Variants in SAMMSON observed in about 807,000 individuals in gnomAD.
SAMMSON encodes survival associated mitochondrial melanoma specific oncogenic non-coding RNA.
chr3:70,216,813 A>G (rs761662412), intron 4 of SAMMSON, among the ~76,000 whole-genome samples: 3 of 152,114 alleles, frequency 2.0e-5, no homozygotes, highest in South Asian at 4.1e-4. Context: ...ATATTTGGCA[A>G]TGTCTGGAGA....
intron 3 of SAMMSON, among the ~76,000 whole-genome samples, chr3:70,046,351 A>G (rs1175262869): frequency 6.6e-6 from 1 of 152,154 alleles, no homozygotes; most frequent in Non-Finnish European, 1.5e-5. Flanking sequence ...ATTGGCTATA[A>G]GAAACAACCA....
At chr3:70,167,153 T>C (rs935255861) in intron 4 of SAMMSON, among the ~76,000 whole-genome samples, 1 of 152,060 alleles carries the variant, frequency 6.6e-6, no homozygotes, top group East Asian at 1.9e-4. Context: ...AAATCCAATG[T>C]GTACTGTACA....
At chr3:70,005,406 C>G (rs555440734) in intron 1 of SAMMSON, among the ~76,000 whole-genome samples, 1 of 152,232 alleles carries the variant, frequency 6.6e-6, no homozygotes, top group East Asian at 1.9e-4. Context: ...ACTTACTTGT[C>G]CCACATTGCA....
At chr3:70,151,629 A>G (rs983097993) in intron 4 of SAMMSON, among the ~76,000 whole-genome samples, 15 of 152,096 alleles carry the variant, frequency 9.9e-5, no homozygotes, top group East Asian at 3.9e-4. Flanking sequence ...AACACTTGGT[A>G]AATGATAAAA....
At chr3:70,162,558 A>T (rs1325925450) in intron 4 of SAMMSON, among the ~76,000 whole-genome samples, 1 of 151,812 alleles carries the variant, frequency 6.6e-6, no homozygotes, top group Non-Finnish European at 1.5e-5. Context: ...AGCCTAGTTT[A>T]TCTGTCCTGG....
chr3:70,178,370 C>T (rs1454821846), intron 4 of SAMMSON, among the ~76,000 whole-genome samples: 1 of 152,170 alleles, frequency 6.6e-6, no homozygotes, highest in Non-Finnish European at 1.5e-5. Flanking sequence ...CAGTATCCTT[C>T]CTGGAAATCC....
At chr3:70,011,771 G>T (rs986976068) in intron 1 of SAMMSON, among the ~76,000 whole-genome samples, 1 of 151,862 alleles carries the variant, frequency 6.6e-6, no homozygotes, top group Non-Finnish European at 1.5e-5. Context: ...CAAGAACACA[G>T]GCTCTAAAAC....
At chr3:70,258,358 T>C (rs937445211) in intron 6 of SAMMSON, among the ~76,000 whole-genome samples, 1 of 151,984 alleles carries the variant, frequency 6.6e-6, no homozygotes, top group Non-Finnish European at 1.5e-5. Context: ...CGAGCATATA[T>C]GAAGAGAATA....
chr3:70,076,183 ATAACC>A (rs1334854597), intron 4 of SAMMSON, among the ~76,000 whole-genome samples: 1 of 152,234 alleles, frequency 6.6e-6, no homozygotes, highest in Non-Finnish European at 1.5e-5. Flanking sequence ...ACGGGATTTA[ATAACC>A]TGTTTATGTG....
chr3:70,369,598 CACTGTT>C (rs1702949418), intron 9 of SAMMSON, among the ~76,000 whole-genome samples: 2 of 151,378 alleles, frequency 1.3e-5, no homozygotes, highest in Admixed American at 1.3e-4. Flanking sequence ...GAAGATGTTG[CACTGTT>C]CCTGATCTTA....
chr3:70,339,868 T>C (rs1176712299), intron 7 of SAMMSON, among the ~76,000 whole-genome samples: 1 of 152,172 alleles, frequency 6.6e-6, no homozygotes, highest in Non-Finnish European at 1.5e-5. Flanking sequence ...GATCTAGAAC[T>C]GGAAATACCA....
chr3:70,246,845 C>T (rs192375957), intron 4 of SAMMSON, among the ~76,000 whole-genome samples: 1 of 151,958 alleles, frequency 6.6e-6, no homozygotes, highest in East Asian at 1.9e-4. Context: ...TTAAAACAAC[C>T]CTACCATCTT....
intron 4 of SAMMSON, among the ~76,000 whole-genome samples, chr3:70,207,745 C>T (rs1239819262): frequency 6.6e-6 from 1 of 151,980 alleles, no homozygotes; most frequent in Non-Finnish European, 1.5e-5. Context: ...ATCTAAAGGT[C>T]AAGTAAAGTA....
At chr3:70,394,167 A>G (rs1575640260), downstream of SAMMSON, among the ~76,000 whole-genome samples, 3 of 152,140 alleles carry the variant, frequency 2.0e-5, no homozygotes, top group Middle Eastern at 0.01. Flanking sequence ...CAACACAAAG[A>G]CTCATTTCTG....
chr3:70,075,188 C>T (rs1351716478), intron 4 of SAMMSON: 1 of 151,920 alleles, frequency 6.6e-6, no homozygotes, highest in Non-Finnish European at 1.5e-5. Context: ...TGATGTAAAA[C>T]AATTATCTAA....
chr3:70,044,909 A>G (rs1399285232), intron 3 of SAMMSON, among the ~76,000 whole-genome samples: 3 of 144,912 alleles, frequency 2.1e-5, no homozygotes, highest in Non-Finnish European at 4.5e-5. Context: ...ATATTACATA[A>G]AGTAAAATAC....
chr3:70,037,972 C>T (rs1319426789), intron 3 of SAMMSON, among the ~76,000 whole-genome samples: 3 of 152,172 alleles, frequency 2.0e-5, no homozygotes, highest in African/African-American at 7.2e-5. Flanking sequence ...GGGATTATTA[C>T]ACTTGAGAAA....
chr3:70,075,802 A>G (rs1448201811), intron 4 of SAMMSON, among the ~76,000 whole-genome samples: 1 of 152,052 alleles, frequency 6.6e-6, no homozygotes, highest in Admixed American at 6.6e-5. Context: ...TGTAGCTATA[A>G]AATCATCTTT....
intron 4 of SAMMSON, among the ~76,000 whole-genome samples, chr3:70,108,842 A>G (rs2067377819): frequency 6.6e-6 from 1 of 152,260 alleles, no homozygotes; most frequent in African/African-American, 2.4e-5. Flanking sequence ...TTCCAGACCA[A>G]TGAAAAGCAA....
Sources: gnomAD v4.1 joint callset for allele counts (sites outside exome capture counted in the v4.1 genomes callset) on GRCh38, gnomAD v4.1.1 for gene constraint, MANE v1.5 for transcripts, NCBI Gene and HGNC (gene_info 2026-07-23, HGNC 2026-07-21) for gene names.